The following MAPK8IP1 variants were observed in gnomAD, a reference collection of about 807,000 sequenced individuals.
The protein encoded by MAPK8IP1 is C-Jun-amino-terminal kinase-interacting protein 1.
A neutral mutation model predicts 72.6 loss-of-function variants in MAPK8IP1; 17 were observed. The observed-to-expected ratio is 0.23, with a 90% confidence interval of 0.16 to 0.35. The LOEUF (loss-of-function observed/expected upper bound fraction) is 0.35. Among genes scored for constraint, MAPK8IP1 ranks in the 10% least tolerant of loss-of-function variants. MAPK8IP1 has a pLI of 1.00. For missense variants in MAPK8IP1, 789 were observed against 1,009.7 expected (o/e 0.78, Z 2.96); for synonymous variants, 401 against 443.4 (o/e 0.90, Z 1.20).
In MAPK8IP1 at chr11:45,900,510, C is replaced by A; in HGVS notation, c.522+58C>A. ...GCCGCCGCGGAGATGTGAGGGGGAGCGCAGAGGGGCTGCAGCGGGAAGGGG... is the reference window on the plus strand; with the variant it reads ...GCCGCCGCGGAGATGTGAGGGGGAGAGCAGAGGGGCTGCAGCGGGAAGGGG... On this transcript the variant is annotated intron_variant, in intron 3 of 11. Transcript: ENST00000241014. This position sits in a 1 kb window ranked among gnomAD's most constrained non-coding sequence, Gnocchi z 6.5. The A allele has an allele frequency of 1.3e-6, 2 of 1,511,640 alleles. No homozygotes were observed. Among genetic ancestry groups the A allele is most frequent in the East Asian group, 2.6e-5 (1 of 39,190 alleles). 93.6% of individuals were successfully genotyped at this position (1,511,640 alleles called of 1,614,324 possible).
chr11:45,901,243 G>T (rs1161740816), intron 3 of MAPK8IP1, among the ~76,000 whole-genome samples: 1 of 152,128 alleles, frequency 6.6e-6, no homozygotes, highest in East Asian at 1.9e-4. Context: ...GCTCCCAGGG[G>T]AGGGAGCCTC....
chr11:45,900,143 G>C lies in MAPK8IP1; in HGVS notation c.213G>C (p.Pro71=). 7 of 1,276,396 alleles carry C rather than the reference G, an allele frequency of 5.5e-6. No individual in the cohort carries two copies. The highest frequency in any genetic ancestry group is 6.9e-6 in the Non-Finnish European group (7 of 1,016,438). 79.1% of individuals were successfully genotyped at this position (1,276,396 alleles called of 1,614,324 possible). A position where few individuals can be genotyped will look rare whatever the true frequency, so the allele number is the denominator to read the frequency against. The change falls in exon 3 of 12, where the codon CCG becomes CCC. Residue 71 remains proline (P), a synonymous_variant. Coordinates refer to ENST00000241014, the MANE Select transcript of MAPK8IP1 (RefSeq NM_005456.4). This position sits in a 1 kb window ranked among gnomAD's most constrained non-coding sequence, Gnocchi z 6.5. Reference sequence around the variant, plus strand: ...CCCCTCCGTGCGCTGTGCAGCCCCCGCGCGCCGGGCTGCTCTCTGCGGGCG... The same window carrying C: ...CCCCTCCGTGCGCTGTGCAGCCCCCCCGCGCCGGGCTGCTCTCTGCGGGCG... ...QCKDTLSLRP[P]RAGLLSAGGG... is the part of the protein sequence containing the mutation.
At chr11:45,895,385 C>G (rs946747513) in intron 1 of MAPK8IP1, among the ~76,000 whole-genome samples, 2 of 152,018 alleles carry the variant, frequency 1.3e-5, no homozygotes, top group African/African-American at 4.8e-5. Context: ...TTTGAGAAGC[C>G]GAGGCGAGCA....
At chr11:45,897,811 G>T (rs1239165846) in intron 1 of MAPK8IP1, among the ~76,000 whole-genome samples, 1 of 152,218 alleles carries the variant, frequency 6.6e-6, no homozygotes, top group Non-Finnish European at 1.5e-5. Context: ...ACTGCCTGCT[G>T]GTTGGCAACA....
At chr11:45,894,655 G>A (rs1422104009) in intron 1 of MAPK8IP1, among the ~76,000 whole-genome samples, 1 of 152,238 alleles carries the variant, frequency 6.6e-6, no homozygotes, top group African/African-American at 2.4e-5. Flanking sequence ...AGGAGCAGGT[G>A]GAGGCAGAGG....
intron 1 of MAPK8IP1, 21 bp downstream of exon 1, chr11:45,885,942 C>A: frequency 6.9e-7 from 1 of 1,441,314 alleles, no homozygotes; most frequent in East Asian, 3.0e-5. Flanking sequence ...CCGGCCGCCG[C>A]GCGCCTCGCC....
At position 45,904,068 on chromosome 11, in the gene MAPK8IP1, T is replaced by C. The variant is rs2086681739; in HGVS notation, c.1573T>C (p.Trp525Arg). ...LLVELQAEDY[W>R]YEAYNMRTGA... is the part of the protein sequence containing the mutation. ...AGTGGAGCTCCAGGCTGAAGACTAC[T>C]GGTACGAGGCCTACAACATGCGCAC... Residue 525 changes from tryptophan (W) to arginine (R), a missense_variant, in exon 7 of 12, where the codon TGG becomes CGG. By Grantham distance (101) the Trp-to-Arg change is moderately radical (BLOSUM62 -3). Around this residue, in one of 4 missense-constraint regions of MAPK8IP1, gnomAD observed 188 missense variants for 293.3 expected, o/e 0.64. Transcript: ENST00000241014. The surrounding 1 kb of genome is among the most constrained non-coding windows in gnomAD (Gnocchi z 6.4). 1 of 1,613,940 alleles carries C rather than the reference T, an allele frequency of 6.2e-7. No homozygotes were observed. The highest frequency in any genetic ancestry group is 8.5e-7 in the Non-Finnish European group (1 of 1,180,022).
At chr11:45,897,907 C>G (rs1178421877) in intron 1 of MAPK8IP1, among the ~76,000 whole-genome samples, 178 bp from the exon 2 acceptor site, 4 of 152,184 alleles carry the variant, frequency 2.6e-5, no homozygotes, top group Non-Finnish European at 4.4e-5. Context: ...TTGGCACAAG[C>G]CCCTCGCTCT....
chr11:45,905,265 G>T lies in MAPK8IP1; in HGVS notation c.2063+16G>T. 1 of 1,607,706 alleles carries T rather than the reference G, an allele frequency of 6.2e-7. No individual in the cohort carries two copies. The highest frequency in any genetic ancestry group is 1.1e-5 in the South Asian group (1 of 90,886). ...AGTCCGTGGGGTACGTGTACACCCT[G>T]CTGAGCACCCAGCCCGAGGGAGCAC... On this transcript the variant is annotated intron_variant, in intron 11 of 11. Transcript: ENST00000241014.
chr11:45,899,028 G>A (rs567097295), intron 2 of MAPK8IP1, among the ~76,000 whole-genome samples: 112 of 152,318 alleles, frequency 7.4e-4, no homozygotes, highest in African/African-American at 2.5e-3. Flanking sequence ...CGTGAGGTGT[G>A]CCTTGGGGAG....
Position 45,902,161 on chromosome 11 carries a change from G to A in MAPK8IP1, c.604+100G>A. ...ACAGTCTCCAAAGGGCTGAGTAGAG[G>A]TGAACTGCCCACCCACATCCCTGCA... On this transcript the variant is annotated intron_variant, in intron 4 of 11. Coordinates refer to ENST00000241014, the MANE Select transcript of MAPK8IP1 (RefSeq NM_005456.4). This position sits in a 1 kb window ranked among gnomAD's most constrained non-coding sequence, Gnocchi z 9.3. The A allele has an allele frequency of 8.7e-6, 10 of 1,151,444 alleles. No individual in the cohort carries two copies. The highest frequency in any genetic ancestry group is 1.3e-5 in the Non-Finnish European group (10 of 758,216). The allele number at this position is 1,151,444 out of a possible 1,614,324, so 71.3% of individuals were successfully genotyped here.
Position 45,905,887 on chromosome 11 carries a change from G to A in MAPK8IP1, c.*166G>A. ...AGGGGAGGGTGGGGCAATGGGGAGA[G>A]GCAAATGCAGTTTATTGTAATATAT... On this transcript the variant is annotated 3_prime_UTR_variant, in exon 12 of 12. Transcript: ENST00000241014. 1 of 674,024 alleles carries A rather than the reference G, an allele frequency of 1.5e-6. No individual in the cohort carries two copies. The highest frequency in any genetic ancestry group is 1.6e-5 in the South Asian group (1 of 60,818). The allele number at this position is 674,024 out of a possible 1,614,324, so 41.8% of individuals were successfully genotyped here.
chr11:45,890,245 C>G (rs571483832), intron 1 of MAPK8IP1, among the ~76,000 whole-genome samples: 1 of 152,278 alleles, frequency 6.6e-6, no homozygotes, highest in African/African-American at 2.4e-5. Flanking sequence ...GCCAGAGGAG[C>G]TGGCAGGGGG....
intron 1 of MAPK8IP1, among the ~76,000 whole-genome samples, chr11:45,890,302 G>A (rs1476247141): frequency 1.3e-5 from 2 of 152,238 alleles, no homozygotes; most frequent in African/African-American, 2.4e-5. Context: ...GGACAGGGGT[G>A]TCCAATCTTT....
intron 2 of MAPK8IP1, among the ~76,000 whole-genome samples, chr11:45,899,519 C>T (rs756748552): frequency 3.9e-5 from 6 of 152,126 alleles, no homozygotes; most frequent in Non-Finnish European, 8.8e-5. Context: ...AGAACTGGAG[C>T]TAGATGGGGC....
chr11:45,897,029 G>A (rs1228302328), intron 1 of MAPK8IP1: 4 of 1,464,948 alleles, frequency 2.7e-6, no homozygotes, highest in Non-Finnish European at 3.7e-6. Context: ...TGATCTGAAT[G>A]AGGCGAGTGG....
At chr11:45,905,599 C>A in intron 11 of MAPK8IP1, 50 bp from the exon 12 acceptor site, 1 of 1,529,424 alleles carries the variant, frequency 6.5e-7, no homozygotes, top group Non-Finnish European at 9.1e-7. Flanking sequence ...GATCCTGTTC[C>A]TCCCTTGCCA....
chr11:45,898,453 G>C (rs972729676), intron 2 of MAPK8IP1, among the ~76,000 whole-genome samples: 1 of 152,108 alleles, frequency 6.6e-6, no homozygotes, highest in Non-Finnish European at 1.5e-5. Flanking sequence ...AGATGGGAGA[G>C]GCCAGGAAGT....
chr11:45,902,579 C>T lies in MAPK8IP1; in HGVS notation c.812C>T (p.Ala271Val), dbSNP rs777890773. ...HSHRDRIHYQ[A>V]DVRLEATEEI... ...CATCGAGACCGAATCCACTACCAGG[C>T]CGATGTGCGACTAGAGGCCACTGAG... The change falls in exon 5 of 12, where the codon GCC becomes GTC. Residue 271 changes from alanine (A) to valine (V), a missense_variant. Around this residue, in one of 4 missense-constraint regions of MAPK8IP1, gnomAD observed 377 missense variants for 411.7 expected, o/e 0.92. Coordinates refer to ENST00000241014, the MANE Select transcript of MAPK8IP1 (RefSeq NM_005456.4). The surrounding 1 kb of genome is among the most constrained non-coding windows in gnomAD (Gnocchi z 9.3). The T allele has an allele frequency of 6.2e-7, 1 of 1,612,850 alleles. No homozygotes were observed. Among genetic ancestry groups the T allele is most frequent in the Non-Finnish European group, 8.5e-7 (1 of 1,179,890 alleles).
Sources: allele counts gnomAD v4.1 joint callset (sites outside exome capture counted in the v4.1 genomes callset), GRCh38; gene constraint gnomAD v4.1.1; regional missense constraint gnomAD v4.1.1; non-coding constraint Gnocchi (gnomAD v3.1); transcripts MANE v1.5; gene names NCBI Gene and HGNC (gene_info 2026-07-23, HGNC 2026-07-21).